INVS: variants seen among roughly 807,000 people sequenced by gnomAD.
INVS encodes the protein inversion of embryo turning homolog.
A neutral mutation model predicts 108.8 loss-of-function variants in INVS; 86 were observed. The observed-to-expected ratio is 0.79, with a 90% CI of 0.66 to 0.95. The LOEUF is 0.95. Among genes scored for constraint, INVS ranks in the 40% least tolerant of loss-of-function variants. The probability of loss-of-function intolerance (pLI) is 0.00; values close to 1 mark genes in which losing one functional copy is unlikely to be tolerated. For synonymous variants in INVS, 455 were observed against 473.5 expected (o/e 0.96, Z 0.51); for missense variants, 1,169 against 1,297.4 (o/e 0.90, Z 1.52).
At chr9:100,183,671 G>A (rs1588070375) in intron 3 of INVS, among the ~76,000 whole-genome samples, 1 of 151,590 alleles carries the variant, frequency 6.6e-6, no homozygotes, top group East Asian at 1.9e-4. Context: ...TGCGCCTGTA[G>A]TCCCAGCTAC....
chr9:100,300,927 GTGTC>G lies in INVS; in HGVS notation c.*256_*259del. ...GACTATGTCTGTGCAAAGTGCCTGA[GTGTC>G]TGCTTTCACCTCAGTCTGTACAGTT... On this transcript the variant is annotated 3_prime_UTR_variant, in exon 17 of 17. Transcript: ENST00000262457. The G allele has an allele frequency of 5.7e-6, 3 of 527,152 alleles. No homozygotes were observed. Among genetic ancestry groups the G allele is most frequent in the Non-Finnish European group, 1.0e-5 (3 of 291,956 alleles). The allele number at this position is 527,152 out of a possible 1,614,324, so 32.7% of individuals were successfully genotyped here. A position where few individuals can be genotyped will look rare whatever the true frequency, so the allele number is the denominator to read the frequency against.
intron 10 of INVS, among the ~76,000 whole-genome samples, chr9:100,260,017 G>A (rs897994594): frequency 1.2e-4 from 17 of 136,116 alleles, no homozygotes; most frequent in African/African-American, 2.5e-4. Flanking sequence ...GATTACAGGC[G>A]CACACCACCA....
rs1196249308 is a variant in INVS, at chr9:100,200,479, G to T, written c.274-25583G>T. On this transcript the variant is annotated intron_variant, in intron 3 of 16. Coordinates refer to ENST00000262457, the MANE Select transcript of INVS (RefSeq NM_014425.5). The stretch of plus-strand genomic sequence containing the variant: ...AAAGCTGACTAATTACACTGAACTT[G>T]TTGAGTGTCTCGGTTTTTCCCTTAG... Among the ~76,000 whole-genome samples, 2 of 152,134 alleles carry T rather than the reference G, an allele frequency of 1.3e-5. 1 individual carries two copies.
chr9:100,111,961 C>T (rs1827349495), intron 2 of INVS, among the ~76,000 whole-genome samples: 1 of 151,996 alleles, frequency 6.6e-6, no homozygotes. Flanking sequence ...TTTTTCTAAT[C>T]ATTTAGGGGA....
intron 3 of INVS, among the ~76,000 whole-genome samples, chr9:100,210,448 G>A (rs1459170706): frequency 1.3e-5 from 2 of 152,114 alleles, no homozygotes; most frequent in Non-Finnish European, 2.9e-5. Flanking sequence ...TTGGGAGCAG[G>A]AACAAGATGG....
chr9:100,239,141 C>T (rs944885331), intron 5 of INVS, among the ~76,000 whole-genome samples: 1 of 152,100 alleles, frequency 6.6e-6, no homozygotes. Flanking sequence ...GCTGTCTAGC[C>T]TATGGAAAAA....
chr9:100,270,343 G>C (rs1004210325), intron 11 of INVS, among the ~76,000 whole-genome samples: 1 of 152,082 alleles, frequency 6.6e-6, no homozygotes, highest in African/African-American at 2.4e-5. Context: ...GGGTGCAGTG[G>C]CTCACACCTA....
chr9:100,198,584 C>A (rs1830452976), intron 3 of INVS, among the ~76,000 whole-genome samples: 1 of 150,920 alleles, frequency 6.6e-6, no homozygotes, highest in South Asian at 2.1e-4. Flanking sequence ...AAGATGTGAG[C>A]CACCGTCGCC....
At chr9:100,159,579 A>G (rs1829104511) in intron 3 of INVS, among the ~76,000 whole-genome samples, 1 of 152,204 alleles carries the variant, frequency 6.6e-6, no homozygotes, top group African/African-American at 2.4e-5. Flanking sequence ...AGAACACACT[A>G]ACACAAATAC....
At chr9:100,099,648 G>A (rs988995947) in intron 1 of INVS, among the ~76,000 whole-genome samples, 3 of 152,214 alleles carry the variant, frequency 2.0e-5, no homozygotes, top group African/African-American at 7.2e-5. Flanking sequence ...TGTCTCTGAG[G>A]GCTCCTGTAA....
At chr9:100,187,525 C>CTTTTTTT (rs34728274) in intron 3 of INVS, among the ~76,000 whole-genome samples, 7 of 105,540 alleles carry the variant, frequency 6.6e-5, no homozygotes, top group African/African-American at 1.3e-4. Flanking sequence ...TCTATGATTT[C>CTTTTTTT]TTTTTTTTTT....
chr9:100,151,777 C>T (rs1037082349), intron 3 of INVS, among the ~76,000 whole-genome samples: 2 of 152,158 alleles, frequency 1.3e-5, no homozygotes, highest in African/African-American at 4.8e-5. Flanking sequence ...CCTTCTCATC[C>T]TGATCATTTT....
Position 100,135,380 on chromosome 9 carries a change from C to T in INVS, c.273+8831C>T, listed in dbSNP as rs866310192. Among the ~76,000 whole-genome samples, 3 of 152,262 alleles carry T rather than the reference C, an allele frequency of 2.0e-5. No individual in the cohort carries two copies. In the South Asian group the frequency reaches 6.2e-4, roughly 32 times the overall value. ...ACATGCAGCAGAATCACTTGGAGAA[C>T]TTGTTAAAACATAGACGTCTGGGCC... On this transcript the variant is annotated intron_variant, in intron 3 of 16. Transcript: ENST00000262457.
At chr9:100,280,461 T>A (rs1262563666) in intron 12 of INVS, among the ~76,000 whole-genome samples, 2 of 152,124 alleles carry the variant, frequency 1.3e-5, no homozygotes, top group Non-Finnish European at 1.5e-5. Context: ...CATTAGAAGC[T>A]GTCATCTAGC....
chr9:100,192,527 G>A lies in INVS; in HGVS notation c.274-33535G>A, dbSNP rs147868158. Among the ~76,000 whole-genome samples, 41 of 152,172 alleles carry A rather than the reference G, an allele frequency of 2.7e-4. No individual in the cohort carries two copies. The East Asian group carries it at 7.0e-3, about 26-fold the overall frequency. On this transcript the variant is annotated intron_variant, in intron 3 of 16. Coordinates refer to ENST00000262457, the MANE Select transcript of INVS (RefSeq NM_014425.5). ...ATAAACTGAAAAAATTAACACTCTTGTACAAGTCTTTTTGTGGACATTTGT... is the reference window on the plus strand; with the variant it reads ...ATAAACTGAAAAAATTAACACTCTTATACAAGTCTTTTTGTGGACATTTGT...
At chr9:100,203,423 T>C (rs1830586799) in intron 3 of INVS, among the ~76,000 whole-genome samples, 1 of 152,160 alleles carries the variant, frequency 6.6e-6, no homozygotes, top group Non-Finnish European at 1.5e-5. Flanking sequence ...GCTCTGTGTT[T>C]CTTATAAAAA....
chr9:100,289,656 T>C (rs1225386412), intron 13 of INVS, among the ~76,000 whole-genome samples: 5 of 152,216 alleles, frequency 3.3e-5, no homozygotes, highest in African/African-American at 7.2e-5. Context: ...CTCCTTTATA[T>C]GGCCTTTTGT....
At chr9:100,178,967 G>A (rs1402575643) in intron 3 of INVS, among the ~76,000 whole-genome samples, 2 of 152,216 alleles carry the variant, frequency 1.3e-5, no homozygotes. Flanking sequence ...AGCCAGAAGA[G>A]AGTGAGGGTC....
intron 4 of INVS, among the ~76,000 whole-genome samples, chr9:100,226,892 A>G (rs1831343920): frequency 1.3e-5 from 2 of 151,772 alleles, no homozygotes; most frequent in African/African-American, 2.4e-5. Context: ...AATAGTTACT[A>G]TAGGTGGTTA....
Sources: allele counts gnomAD v4.1 joint callset (sites outside exome capture counted in the v4.1 genomes callset), GRCh38; gene constraint gnomAD v4.1.1; transcripts MANE v1.5; gene names NCBI Gene and HGNC (gene_info 2026-07-23, HGNC 2026-07-21).